The following MED13L variants were observed in gnomAD, a reference collection of about 807,000 sequenced individuals.
MED13L encodes mediator of RNA polymerase II transcription subunit 13-like.
A neutral mutation model predicts 220.9 loss-of-function variants in MED13L; 7 were observed. The observed-to-expected ratio is 0.03, with a 90% CI of 0.02 to 0.06. The LOEUF (loss-of-function observed/expected upper bound fraction) is 0.06, where lower values mean the gene tolerates loss of function less well. Among genes scored for constraint, MED13L ranks in the 10% least tolerant of loss-of-function variants. MED13L has a pLI of 1.00. For missense variants in MED13L, 1,965 were observed against 2,760.5 expected, an observed-to-expected ratio of 0.71 and a Z score of 6.46; for synonymous variants, 1,011 against 1,015.2, an observed-to-expected ratio of 1.00 and a Z score of 0.08.
At chr12:116,195,689 G>A (rs930824826) in intron 2 of MED13L, among the ~76,000 whole-genome samples, 4 of 151,822 alleles carry the variant, frequency 2.6e-5, no homozygotes, top group African/African-American at 7.3e-5. Flanking sequence ...GACCTCAAGC[G>A]ATCCACCCAC....
chr12:115,984,972 A>G (rs1877587805), intron 19 of MED13L, among the ~76,000 whole-genome samples: 1 of 152,100 alleles, frequency 6.6e-6, no homozygotes, highest in African/African-American at 2.4e-5. Context: ...CAAAAAGTAA[A>G]CTACCTGTTC....
intron 28 of MED13L, among the ~76,000 whole-genome samples, chr12:115,968,349 G>C (rs1321093724): frequency 1.3e-5 from 2 of 152,188 alleles, no homozygotes; most frequent in Non-Finnish European, 2.9e-5. Flanking sequence ...GATGAAACCA[G>C]TTGTAAGCTC....
chr12:116,140,770 T>C (rs1393002444), intron 2 of MED13L, among the ~76,000 whole-genome samples: 1 of 152,328 alleles, frequency 6.6e-6, no homozygotes, highest in Admixed American at 6.5e-5. Flanking sequence ...ATCGCATTAC[T>C]AACATCAGGT....
intron 2 of MED13L, among the ~76,000 whole-genome samples, chr12:116,199,641 G>T (rs565076853): frequency 6.6e-5 from 10 of 151,868 alleles, no homozygotes; most frequent in Admixed American, 2.6e-4. Flanking sequence ...TTCCCATTTG[G>T]TTAAACAGTC....
At chr12:115,988,468 T>C (rs914248533) in intron 17 of MED13L, among the ~76,000 whole-genome samples, 6 of 152,204 alleles carry the variant, frequency 3.9e-5, no homozygotes, top group African/African-American at 7.2e-5. Flanking sequence ...GCAGTTTTCA[T>C]TGCCTTTTAT....
intron 4 of MED13L, among the ~76,000 whole-genome samples, chr12:116,050,602 G>A (rs562069821): frequency 5.2e-4 from 79 of 152,106 alleles, no homozygotes; most frequent in African/African-American, 1.5e-3. Context: ...CAAGCTCTAC[G>A]TATAAGTATC....
At chr12:116,086,084 T>A (rs1249495429) in intron 4 of MED13L, among the ~76,000 whole-genome samples, 1 of 152,206 alleles carries the variant, frequency 6.6e-6, no homozygotes, top group Non-Finnish European at 1.5e-5. Flanking sequence ...CACATTATGT[T>A]CTTCTATTGG....
At chr12:116,181,493 G>A (rs1880522692) in intron 2 of MED13L, among the ~76,000 whole-genome samples, 3 of 152,022 alleles carry the variant, frequency 2.0e-5, no homozygotes, top group South Asian at 2.1e-4. Flanking sequence ...TTTCTTTAAG[G>A]TGAATCAAAG....
chr12:115,970,819 A>G (rs1257080812), intron 26 of MED13L, 49 bp from the exon 27 acceptor site: 5 of 1,563,748 alleles, frequency 3.2e-6, no homozygotes, highest in Non-Finnish European at 4.4e-6. Flanking sequence ...AACCCCAGAA[A>G]TGAGGTTTTC....
chr12:116,214,629 A>G (rs1239339882), intron 2 of MED13L, among the ~76,000 whole-genome samples: 1 of 152,194 alleles, frequency 6.6e-6, no homozygotes, highest in Non-Finnish European at 1.5e-5. Context: ...TAATTTTTCA[A>G]TAATAGCTTT....
chr12:116,262,230 T>C (rs1872564026), intron 1 of MED13L, among the ~76,000 whole-genome samples: 1 of 152,166 alleles, frequency 6.6e-6, no homozygotes, highest in East Asian at 1.9e-4. Flanking sequence ...AAAAAATTCA[T>C]TCATCTCCAT....
intron 16 of MED13L, among the ~76,000 whole-genome samples, chr12:115,992,852 C>G (rs1878155253): frequency 6.6e-6 from 1 of 152,132 alleles, no homozygotes. Flanking sequence ...CTTTTTGGAA[C>G]AGCTAGGCAG....
Position 116,222,765 on chromosome 12 carries a change from CA to C in MED13L, c.310+14702del, listed in dbSNP as rs563530279. ...TCTTTGAAAAATGCCACTTTAAAAT[CA>C]TACAACTTGCAATCTACTAACTTGC... On this transcript the variant is annotated intron_variant, in intron 2 of 30. Transcript: ENST00000281928. Among the ~76,000 whole-genome samples, 19 of 152,328 alleles carry C rather than the reference CA, an allele frequency of 1.2e-4. No individual in the cohort carries two copies. In the East Asian group the frequency reaches 3.7e-3, roughly 29 times the overall value.
intron 4 of MED13L, among the ~76,000 whole-genome samples, chr12:116,092,852 G>C (rs957717653): frequency 1.3e-5 from 2 of 152,038 alleles, no homozygotes; most frequent in African/African-American, 2.4e-5. Context: ...GCTCTCTGGA[G>C]TATCACCCAA....
intron 2 of MED13L, among the ~76,000 whole-genome samples, chr12:116,152,532 G>T (rs985346571): frequency 6.6e-6 from 1 of 152,032 alleles, no homozygotes; most frequent in Non-Finnish European, 1.5e-5. Context: ...ACTCCCTTGC[G>T]GCTTGCCACC....
At chr12:116,039,561 A>G (rs556304650) in intron 4 of MED13L, among the ~76,000 whole-genome samples, 1 of 152,234 alleles carries the variant, frequency 6.6e-6, no homozygotes, top group African/African-American at 2.4e-5. Context: ...AAATCTCATA[A>G]TTCTAAATAC....
At chr12:116,112,433 A>G (rs1474751564) in intron 2 of MED13L, among the ~76,000 whole-genome samples, 3 of 152,226 alleles carry the variant, frequency 2.0e-5, no homozygotes, top group Non-Finnish European at 4.4e-5. Context: ...TAATGCTTTT[A>G]CCACACCAGT....
At chr12:116,252,387 A>T (rs1871637527) in intron 1 of MED13L, among the ~76,000 whole-genome samples, 1 of 152,094 alleles carries the variant, frequency 6.6e-6, no homozygotes, top group South Asian at 2.1e-4. Context: ...CTAAAAAAAA[A>T]AATTAGCCAG....
intron 2 of MED13L, among the ~76,000 whole-genome samples, chr12:116,140,400 T>C (rs760800504): frequency 6.6e-6 from 1 of 152,208 alleles, no homozygotes; most frequent in Non-Finnish European, 1.5e-5. Context: ...CAGGATTCAT[T>C]ACCAGTGTTA....
Sources: gnomAD v4.1 joint callset for allele counts (sites outside exome capture counted in the v4.1 genomes callset) on GRCh38, gnomAD v4.1.1 for gene constraint, MANE v1.5 for transcripts, NCBI Gene and HGNC (gene_info 2026-07-23, HGNC 2026-07-21) for gene names.